ZNF814: variants seen among roughly 807,000 people sequenced by gnomAD.
ZNF814 encodes the protein zinc finger protein 814.
Under a neutral mutation model 7.5 loss-of-function variants are expected in ZNF814, and 5 were observed. The observed-to-expected ratio is 0.67, with a 90% CI of 0.35 to 1.40. The LOEUF (loss-of-function observed/expected upper bound fraction) is 1.40, where lower values mean the gene tolerates loss of function less well. Among genes scored for constraint, ZNF814 ranks in the 40% most tolerant of loss-of-function variants. The pLI, the probability that ZNF814 is intolerant of heterozygous loss-of-function variation, is 0.04. For missense variants in ZNF814, 962 were observed against 1,018.0 expected, an observed-to-expected ratio of 0.94 and a Z score of 0.75; for synonymous variants, 315 against 340.7, an observed-to-expected ratio of 0.92 and a Z score of 0.83.
In ZNF814 at chr19:57,888,824, G is replaced by C; in HGVS notation, c.-22C>G. 1 of 1,551,706 alleles carries C rather than the reference G, an allele frequency of 6.4e-7. No individual in the cohort carries two copies. ...CCATCGAACCACGTGGTTTTAAGCA[G>C]AGTCGGGAGGATAGGGCGACCAGCC... On this transcript the variant is annotated 5_prime_UTR_variant, in exon 1 of 3. Coordinates refer to ENST00000435989, the MANE Select transcript of ZNF814 (RefSeq NM_001144989.2).
rs777403750 is a variant in ZNF814 at position 57,873,118 on chromosome 19, T to C, written c.2272A>G (p.Thr758Ala). Reference sequence around the variant, plus strand: ...TGAATTCGCTTATGAACACAGAATGTAGAGCTGTGGGTAAATGATTTTCCA... The same window carrying C: ...TGAATTCGCTTATGAACACAGAATGCAGAGCTGTGGGTAAATGATTTTCCA... ...DCGKSFTHSS[T>A]FCVHKRIHTG... Residue 758 changes from threonine to alanine, a missense_variant, in exon 3 of 3, where the codon ACA (threonine) becomes GCA (alanine). Coordinates refer to ENST00000435989, the MANE Select transcript of ZNF814 (RefSeq NM_001144989.2). The C allele has an allele frequency of 1.2e-6, 2 of 1,613,088 alleles. No individual in the cohort carries two copies. Among genetic ancestry groups the C allele is most frequent in the Non-Finnish European group, 1.7e-6 (2 of 1,179,728 alleles).
At chr19:57,900,678 GT>G in the ZNF814 span, among the ~76,000 whole-genome samples, 1 of 151,874 alleles carries the variant, frequency 6.6e-6, no homozygotes, top group Non-Finnish European at 1.5e-5. Context: ...CTTTGTTCAT[GT>G]TTCAGTAGAT....
upstream of ZNF814, among the ~76,000 whole-genome samples, chr19:57,890,993 A>G (rs181961444): frequency 7.5e-3 from 1,024 of 137,306 alleles, 16 homozygotes; most frequent in African/African-American, 0.024. Flanking sequence ...AGGATGAGAT[A>G]GGAGGTCAGC....
rs878901818 is a variant in ZNF814 at position 57,874,510 on chromosome 19, T to C, written c.880A>G (p.Lys294Glu). Residue 294 changes from lysine (K) to glutamate (E), a missense_variant, in exon 3 of 3, where the codon AAA (lysine) becomes GAA (glutamate). Lys to Glu is a moderately conservative substitution (Grantham distance 56). Coordinates refer to ENST00000435989, the MANE Select transcript of ZNF814 (RefSeq NM_001144989.2). ...CCACATTCTCCACATTCATGTTTTT[T>C]TTCAGTGTGAACTCTCTGATGATTA... ...FSNHQRVHTE[K>E]KHECGECGKS... 6.6e-7 allele frequency: 1 copy of C among 1,514,600 alleles called. No homozygotes were observed. The highest frequency in any genetic ancestry group is 1.5e-5 in the African/African-American group (1 of 65,648). 93.8% of individuals were successfully genotyped at this position (1,514,600 alleles called of 1,614,324 possible).
intron 1 of ZNF814, among the ~76,000 whole-genome samples, chr19:57,888,422 G>T (rs2122472993): frequency 6.6e-6 from 1 of 152,140 alleles, no homozygotes; most frequent in South Asian, 2.1e-4. Flanking sequence ...TCCTTTCTTC[G>T]AAAATCTCCA....
chr19:57,872,879 AAAT>A lies in ZNF814; in HGVS notation c.2508_2510del (p.Leu836del). ...GTACAAGGAGGTGAGACTTCTTGTT[AAAT>A]AATTTCCCACATTTCTCACATTTAT... On this transcript the variant is annotated inframe_deletion, in exon 3 of 3. Coordinates refer to ENST00000435989, the MANE Select transcript of ZNF814 (RefSeq NM_001144989.2). 6.2e-7 allele frequency: 1 copy of A among 1,612,718 alleles called. No individual in the cohort carries two copies. The highest frequency in any genetic ancestry group is 2.2e-5 in the East Asian group (1 of 44,742).
At chr19:57,898,912 C>T in the ZNF814 span, among the ~76,000 whole-genome samples, 44 of 149,584 alleles carry the variant, frequency 2.9e-4, no homozygotes, top group African/African-American at 1.1e-3. Flanking sequence ...TGCACTCCAG[C>T]CTGGGTGACA....
At chr19:57,896,173 C>CAAAAA in the ZNF814 span, among the ~76,000 whole-genome samples, 1 of 69,290 alleles carries the variant, frequency 1.4e-5, no homozygotes, top group African/African-American at 4.2e-5. This position sits in a 1 kb window ranked among gnomAD's most constrained non-coding sequence, Gnocchi z 4.2. Flanking sequence ...GACTCCATCT[C>CAAAAA]AAAAAAAAAA....
chr19:57,886,981 A>G (rs990821370), intron 1 of ZNF814, among the ~76,000 whole-genome samples: 1 of 151,796 alleles, frequency 6.6e-6, no homozygotes, highest in African/African-American at 2.4e-5. Flanking sequence ...TGAAGTCGGG[A>G]GTTTGAGACC....
rs1458577271 is a variant in ZNF814 at position 57,888,803 on chromosome 19, C to A, written c.-1G>T. On this transcript the variant is annotated 5_prime_UTR_variant, in exon 1 of 3. Coordinates refer to ENST00000435989, the MANE Select transcript of ZNF814 (RefSeq NM_001144989.2). The stretch of plus-strand genomic sequence containing the variant: ...GCCTCAGCGTAGCCGCGGCAGCCAT[C>A]GAACCACGTGGTTTTAAGCAGAGTC... The A allele has an allele frequency of 1.3e-6, 2 of 1,551,756 alleles. No individual in the cohort carries two copies. Among genetic ancestry groups the A allele is most frequent in the African/African-American group, 2.7e-5 (2 of 73,036 alleles).
chr19:57,887,512 G>C (rs1467537998), intron 1 of ZNF814, among the ~76,000 whole-genome samples: 2 of 152,098 alleles, frequency 1.3e-5, no homozygotes, highest in Admixed American at 6.6e-5. Context: ...TCCTTGTGTT[G>C]TAATGCCCAA....
At position 57,873,909 on chromosome 19, in the gene ZNF814, C is replaced by T; in HGVS notation, c.1481G>A (p.Cys494Tyr). The T allele has an allele frequency of 1.2e-6, 2 of 1,613,944 alleles. No individual in the cohort carries two copies. The highest frequency in any genetic ancestry group is 8.5e-7 in the Non-Finnish European group (1 of 1,179,916). The stretch of plus-strand genomic sequence containing the variant: ...ACTGAAAGATTTCCCACATTCTCCA[C>T]ACTGATAAGGTCTTTCTCCACTGTG... ...RVHSGERPYQ[C>Y]GECGKSFSQK... The change falls in exon 3 of 3, where the codon TGT becomes TAT. Residue 494 changes from cysteine (C) to tyrosine (Y), a missense_variant. Around this residue, in one of 7 missense-constraint regions of ZNF814, gnomAD observed 665 missense variants for 551.4 expected, o/e 1.21. Coordinates refer to ENST00000435989, the MANE Select transcript of ZNF814 (RefSeq NM_001144989.2).
intron 2 of ZNF814, 109 bp from the exon 3 acceptor site, chr19:57,875,335 G>A: frequency 6.2e-7 from 1 of 1,608,290 alleles, no homozygotes; most frequent in South Asian, 1.1e-5. Flanking sequence ...GAACTACTTG[G>A]AGGAACAGGA....
chr19:57,884,381 G>A (rs1280301923), intron 1 of ZNF814, among the ~76,000 whole-genome samples: 1 of 152,134 alleles, frequency 6.6e-6, no homozygotes, highest in Non-Finnish European at 1.5e-5. Flanking sequence ...GGGAGACTGA[G>A]GCAGAAAGAC....
At chr19:57,893,631 A>T (rs1402833498), upstream of ZNF814, among the ~76,000 whole-genome samples, 1 of 151,942 alleles carries the variant, frequency 6.6e-6, no homozygotes, top group Admixed American at 6.5e-5. Context: ...ACAAAAAATT[A>T]GTCATGGCCG....
At chr19:57,902,952 T>C in the ZNF814 span, among the ~76,000 whole-genome samples, 3 of 152,156 alleles carry the variant, frequency 2.0e-5, no homozygotes, top group East Asian at 3.8e-4. Context: ...GTGCTGGGAT[T>C]ACAGGTGTGA....
chr19:57,884,761 T>C (rs1377685246), intron 1 of ZNF814, among the ~76,000 whole-genome samples: 4 of 152,154 alleles, frequency 2.6e-5, no homozygotes, highest in Non-Finnish European at 5.9e-5. Context: ...CAATAACAAA[T>C]GCTGGTGAGG....
chr19:57,885,008 T>A (rs935041862), intron 1 of ZNF814, among the ~76,000 whole-genome samples: 1 of 152,156 alleles, frequency 6.6e-6, no homozygotes, highest in African/African-American at 2.4e-5. Flanking sequence ...ACCTAAGTGG[T>A]CATCAACAGA....
In ZNF814 at chr19:57,882,741, A is replaced by T. The variant is rs180976711; in HGVS notation, c.37-5699T>A. ...CTGAAGTAGATTCAGCTTAGATCAC[A>T]ACACCCGGGTCCTTTCAAATACCTG... On this transcript the variant is annotated intron_variant, in intron 1 of 2. Coordinates refer to ENST00000435989, the MANE Select transcript of ZNF814 (RefSeq NM_001144989.2). 3.4e-5 allele frequency among the ~76,000 whole-genome samples: 5 copies of T among 148,626 alleles called. No individual in the cohort carries two copies. In the East Asian group the frequency reaches 9.9e-4, roughly 29 times the overall value.
Sources: gnomAD v4.1 joint callset for allele counts (sites outside exome capture counted in the v4.1 genomes callset) on GRCh38, gnomAD v4.1.1 for gene constraint, gnomAD v4.1.1 regional missense constraint, Gnocchi (gnomAD v3.1) non-coding constraint, MANE v1.5 for transcripts, NCBI Gene and HGNC (gene_info 2026-07-23, HGNC 2026-07-21) for gene names.